TTLL5: variants seen among roughly 807,000 people sequenced by gnomAD.
TTLL5 encodes tubulin tyrosine ligase like 5.
TTLL5 carries 132 observed loss-of-function variants against 168.4 expected under a neutral mutation model. That is an observed-to-expected ratio of 0.78 (90% CI 0.68 to 0.91). The LOEUF (loss-of-function observed/expected upper bound fraction) is 0.91. Among genes scored for constraint, TTLL5 ranks in the 40% least tolerant of loss-of-function variants. The pLI is 0.00. For synonymous variants in TTLL5, 546 were observed against 558.6 expected, an observed-to-expected ratio of 0.98 and a Z score of 0.32; for missense variants, 1,545 against 1,581.5, an observed-to-expected ratio of 0.98 and a Z score of 0.39.
At chr14:75,842,660 A>G (rs958331127) in intron 28 of TTLL5, among the ~76,000 whole-genome samples, 1 of 152,184 alleles carries the variant, frequency 6.6e-6, no homozygotes, top group Admixed American at 6.5e-5. Context: ...AAAGGAAGAA[A>G]AGTGTTTGAT....
At chr14:75,826,957 C>A (rs1457064929) in intron 28 of TTLL5, among the ~76,000 whole-genome samples, 7 of 152,066 alleles carry the variant, frequency 4.6e-5, no homozygotes, top group Non-Finnish European at 1.0e-4. Flanking sequence ...AAAAGACTCT[C>A]AGCGTATTAC....
At chr14:75,779,854 A>G (rs1555345020) in intron 24 of TTLL5, 152 bp downstream of exon 24, 7 of 711,638 alleles carry the variant, frequency 9.8e-6, no homozygotes, top group South Asian at 3.7e-5. Context: ...AGAATGGGGG[A>G]CAGTACTTTT....
At chr14:75,678,516 A>G (rs1884359020) in intron 3 of TTLL5, among the ~76,000 whole-genome samples, 1 of 152,236 alleles carries the variant, frequency 6.6e-6, no homozygotes, top group Admixed American at 6.5e-5. Flanking sequence ...GGATCCAATC[A>G]AATATTACAT....
At chr14:75,738,805 A>G (rs1209808336) in intron 15 of TTLL5, among the ~76,000 whole-genome samples, 1 of 151,978 alleles carries the variant, frequency 6.6e-6, no homozygotes, top group Non-Finnish European at 1.5e-5. Flanking sequence ...ATTCTAATTT[A>G]TTTTTACTTA....
chr14:75,933,047 A>G (rs1595295246), intron 31 of TTLL5, among the ~76,000 whole-genome samples: 1 of 152,214 alleles, frequency 6.6e-6, no homozygotes, highest in African/African-American at 2.4e-5. Context: ...AGTAGCCCCA[A>G]TCTTCTTTGC....
At chr14:75,792,879 T>C (rs933046265) in intron 26 of TTLL5, 37 bp from the exon 27 acceptor site, 14 of 1,507,190 alleles carry the variant, frequency 9.3e-6, no homozygotes, top group Middle Eastern at 1.8e-4. Flanking sequence ...AGGCCTTTTT[T>C]TCCTAAATGA....
chr14:75,777,999 T>C (rs901482020), intron 23 of TTLL5, among the ~76,000 whole-genome samples: 10 of 150,882 alleles, frequency 6.6e-5, no homozygotes, highest in African/African-American at 2.2e-4. Flanking sequence ...AAAAAACAGA[T>C]TGTGTCCAGA....
At chr14:75,909,916 A>G (rs1328324641) in intron 31 of TTLL5, among the ~76,000 whole-genome samples, 4 of 152,210 alleles carry the variant, frequency 2.6e-5, no homozygotes, top group Non-Finnish European at 5.9e-5. Context: ...TCATTTAGTA[A>G]CTGTTTCTAC....
At chr14:75,670,234 T>A (rs1321636669) in intron 3 of TTLL5, among the ~76,000 whole-genome samples, 1 of 152,122 alleles carries the variant, frequency 6.6e-6, no homozygotes, top group Non-Finnish European at 1.5e-5. Flanking sequence ...GTTTTTAAAA[T>A]TTATTTATTT....
chr14:75,851,095 C>CAAAAAA (rs35393032), intron 28 of TTLL5, among the ~76,000 whole-genome samples: 1 of 95,938 alleles, frequency 1.0e-5, no homozygotes, highest in Non-Finnish European at 2.0e-5. Context: ...GACCTTGTCT[C>CAAAAAA]AAAAAAAAAA....
rs1182535050 is a variant in TTLL5, at chr14:75,773,925, TATAGAG to T, written c.2137-1557_2137-1552del. The stretch of plus-strand genomic sequence containing the variant: ...AAAAATACATATATATATATATATA[TATAGAG>T]AGAGAGAGAGAGAGAGAGAGAGAGA... On this transcript the variant is annotated intron_variant, in intron 21 of 31. Coordinates refer to ENST00000298832, the MANE Select transcript of TTLL5 (RefSeq NM_015072.5). 0.012 allele frequency among the ~76,000 whole-genome samples: 319 copies of T among 26,248 alleles called. 16 individuals are homozygous for T. The Admixed American group carries it at 0.16, about 13-fold the overall frequency. 17.2% of individuals were successfully genotyped at this position (26,248 alleles called of 152,430 possible).
chr14:75,945,872 A>G (rs1356453636), intron 31 of TTLL5, among the ~76,000 whole-genome samples: 1 of 152,214 alleles, frequency 6.6e-6, no homozygotes, highest in Non-Finnish European at 1.5e-5. Context: ...GGATTACCAG[A>G]GCAATTCCAG....
intron 31 of TTLL5, among the ~76,000 whole-genome samples, chr14:75,933,619 C>A (rs975407945): frequency 3.3e-5 from 5 of 152,192 alleles, no homozygotes; most frequent in African/African-American, 1.2e-4. Flanking sequence ...GGATCTGCCT[C>A]CAAGTTGTGG....
At chr14:75,930,728 C>G (rs2034249365) in intron 31 of TTLL5, 1 of 755,306 alleles carries the variant, frequency 1.3e-6, no homozygotes, top group Admixed American at 6.3e-5. Flanking sequence ...GCGATTTCAC[C>G]TGGTATAAAT....
In TTLL5 at chr14:75,775,589, C is replaced by A; in HGVS notation, c.2242C>A (p.Leu748Met). 1 of 1,614,096 alleles carries A rather than the reference C, an allele frequency of 6.2e-7. No homozygotes were observed. The highest frequency in any genetic ancestry group is 1.1e-5 in the South Asian group (1 of 91,080). Residue 748 changes from leucine to methionine, a missense_variant, in exon 22 of 32, where the codon CTG becomes ATG. By Grantham distance (15) the Leu-to-Met change is conservative (BLOSUM62 2). Coordinates refer to ENST00000298832, the MANE Select transcript of TTLL5 (RefSeq NM_015072.5). ...GGCACTTCTGGAACGCAGAAGAATC[C>A]TGGCCCACCAGCTGGGTGACTTTAT... is the stretch of plus-strand genomic sequence containing the variant. ...RLALLERRRI[L>M]AHQLGDFIIV...
chr14:75,727,947 G>A (rs1484902263), intron 12 of TTLL5: 4 of 411,210 alleles, frequency 9.7e-6, no homozygotes, highest in Non-Finnish European at 1.9e-5. Flanking sequence ...AGGCATGTGG[G>A]TTACATGGAT....
At chr14:75,932,766 G>A (rs1030631735) in intron 31 of TTLL5, among the ~76,000 whole-genome samples, 1 of 151,692 alleles carries the variant, frequency 6.6e-6, no homozygotes, top group South Asian at 2.1e-4. Context: ...TTTAATGCCT[G>A]TGTGTGTGTG....
intron 9 of TTLL5, chr14:75,711,469 G>A (rs1387384743): frequency 1.3e-5 from 2 of 152,134 alleles, no homozygotes; most frequent in African/African-American, 4.8e-5. Flanking sequence ...AGCCCTTTCT[G>A]AGATGAAGCT....
At chr14:75,675,322 T>C (rs1884055646) in intron 3 of TTLL5, among the ~76,000 whole-genome samples, 1 of 152,254 alleles carries the variant, frequency 6.6e-6, no homozygotes, top group Non-Finnish European at 1.5e-5. Context: ...GCTTTATCTT[T>C]ATCCTATTTC....
Sources: allele counts gnomAD v4.1 joint callset (sites outside exome capture counted in the v4.1 genomes callset), GRCh38; gene constraint gnomAD v4.1.1; transcripts MANE v1.5; gene names NCBI Gene and HGNC (gene_info 2026-07-23, HGNC 2026-07-21).